The following SLC60A1 variants were observed in gnomAD, a reference collection of about 807,000 sequenced individuals.
The protein encoded by SLC60A1 is major facilitator superfamily domain containing 4.
At chr1:205,591,978 G>A in the SLC60A1 span, 1 of 921,974 alleles carries the variant, frequency 1.1e-6, no homozygotes, top group African/African-American at 1.7e-5. Flanking sequence ...CCGGAACACT[G>A]CGGTTCCCGC....
At chr1:205,585,701 T>C in the SLC60A1 span, among the ~76,000 whole-genome samples, 385 of 127,250 alleles carry the variant, frequency 3.0e-3, 4 homozygotes, top group African/African-American at 0.01. This position sits in a 1 kb window ranked among gnomAD's most constrained non-coding sequence, Gnocchi z 4.2. Context: ...TTTTTTTTTT[T>C]AAGTCATGTT....
chr1:205,586,216 C>A, the SLC60A1 span: 1 of 1,612,816 alleles, frequency 6.2e-7, no homozygotes, highest in Non-Finnish European at 8.5e-7. Context: ...TGGTAAGCAG[C>A]TGAATAGCCT....
chr1:205,579,416 T>C, the SLC60A1 span: 1 of 529,990 alleles, frequency 1.9e-6, no homozygotes, highest in East Asian at 3.0e-5. Context: ...TCAAAACAGG[T>C]TCCCTGAAAA....
At chr1:205,586,349 G>A in the SLC60A1 span, 6 of 1,062,126 alleles carry the variant, frequency 5.6e-6, no homozygotes, top group Non-Finnish European at 6.8e-6. Flanking sequence ...AGAGGAGAGA[G>A]AGGATGACGA....
chr1:205,571,528 C>G, the SLC60A1 span, among the ~76,000 whole-genome samples: 15 of 152,110 alleles, frequency 9.9e-5, no homozygotes, highest in African/African-American at 3.6e-4. Flanking sequence ...GGTTTAAATT[C>G]TGAACCTCAG....
the SLC60A1 span, chr1:205,584,105 A>C: frequency 6.2e-7 from 1 of 1,613,692 alleles, no homozygotes; most frequent in Non-Finnish European, 8.5e-7. Context: ...ACTGCCCCCA[A>C]AGTTTCAGTC....
the SLC60A1 span, chr1:205,595,144 A>G: frequency 6.6e-6 from 1 of 152,260 alleles, no homozygotes; most frequent in Non-Finnish European, 1.5e-5. Flanking sequence ...TGTTCCCCCA[A>G]AAAAACCAGA....
chr1:205,569,659 G>A, the SLC60A1 span, among the ~76,000 whole-genome samples: 5 of 152,260 alleles, frequency 3.3e-5, no homozygotes, highest in South Asian at 1.0e-3. Context: ...GAGGTGGGGA[G>A]GGTGCCCCTC....
the SLC60A1 span, among the ~76,000 whole-genome samples, chr1:205,578,303 G>A: frequency 6.6e-6 from 1 of 152,174 alleles, no homozygotes; most frequent in African/African-American, 2.4e-5. Context: ...GTCTTGTCCA[G>A]GGAAAGGGAG....
At chr1:205,572,042 A>G in the SLC60A1 span, among the ~76,000 whole-genome samples, 1 of 152,266 alleles carries the variant, frequency 6.6e-6, no homozygotes, top group Admixed American at 6.5e-5. Context: ...GGATGCCTCC[A>G]TAGGGATGTG....
chr1:205,570,373 C>T, the SLC60A1 span, among the ~76,000 whole-genome samples: 2 of 152,290 alleles, frequency 1.3e-5, no homozygotes, highest in South Asian at 2.1e-4. Context: ...AGCAAGCAGC[C>T]GGCCTGGAGA....
the SLC60A1 span, among the ~76,000 whole-genome samples, chr1:205,597,373 G>GTTTTTTTTTTTT: frequency 8.1e-5 from 3 of 37,230 alleles, no homozygotes; most frequent in African/African-American, 1.3e-4. Context: ...AACCTAGGTT[G>GTTTTTTTTTTTT]TTTTTTTTTT....
chr1:205,597,726 G>C, the SLC60A1 span: 1 of 1,594,702 alleles, frequency 6.3e-7, no homozygotes, highest in Non-Finnish European at 8.6e-7. Flanking sequence ...TTGTAATGCT[G>C]GCTTCTGTCT....
chr1:205,587,663 T>C, the SLC60A1 span, among the ~76,000 whole-genome samples: 61 of 152,094 alleles, frequency 4.0e-4, no homozygotes, highest in East Asian at 0.011. Flanking sequence ...GAAAATACCA[T>C]TGTGAGAGAG....
the SLC60A1 span, chr1:205,599,190 G>C: frequency 1.1e-4 from 184 of 1,614,170 alleles, no homozygotes; most frequent in Middle Eastern, 9.9e-4. Flanking sequence ...TTGGTTGTCT[G>C]GCTTTTACCT....
At chr1:205,589,347 G>A in the SLC60A1 span, among the ~76,000 whole-genome samples, 1 of 152,166 alleles carries the variant, frequency 6.6e-6, no homozygotes, top group African/African-American at 2.4e-5. Flanking sequence ...TAGGCAGGGT[G>A]GGGGATCGGG....
the SLC60A1 span, among the ~76,000 whole-genome samples, chr1:205,594,345 A>T: frequency 1.3e-5 from 2 of 152,134 alleles, no homozygotes; most frequent in Non-Finnish European, 2.9e-5. Flanking sequence ...AGTGATCAAC[A>T]CATGTTAGAG....
At chr1:205,586,518 G>A in the SLC60A1 span, among the ~76,000 whole-genome samples, 13 of 152,284 alleles carry the variant, frequency 8.5e-5, no homozygotes, top group African/African-American at 3.1e-4. Flanking sequence ...CCAACAACTG[G>A]CTATGAGCGT....
At chr1:205,575,663 G>T in the SLC60A1 span, among the ~76,000 whole-genome samples, 1 of 152,270 alleles carries the variant, frequency 6.6e-6, no homozygotes, top group African/African-American at 2.4e-5. Flanking sequence ...ACAGGGGCTG[G>T]GCAGGCAGCT....
Sources: gnomAD v4.1 joint callset for allele counts (sites outside exome capture counted in the v4.1 genomes callset) on GRCh38, gnomAD v4.1.1 for gene constraint, Gnocchi (gnomAD v3.1) non-coding constraint, MANE v1.5 for transcripts, NCBI Gene and HGNC (gene_info 2026-07-23, HGNC 2026-07-21) for gene names.